The following LAS1L variants were observed in gnomAD, a reference collection of about 807,000 sequenced individuals.
LAS1L encodes the protein ribosomal biogenesis protein LAS1L.
A neutral mutation model predicts 57.3 loss-of-function variants in LAS1L; 5 were observed. The observed-to-expected ratio is 0.09, with a 90% CI of 0.05 to 0.18. LAS1L has a LOEUF of 0.18. Among genes scored for constraint, LAS1L ranks in the 10% least tolerant of loss-of-function variants. The probability of loss-of-function intolerance (pLI) is 1.00; values close to 1 mark genes in which losing one functional copy is unlikely to be tolerated. For missense variants in LAS1L, 360 were observed against 568.3 expected (o/e 0.63, Z 3.73); for synonymous variants, 245 against 231.7 (o/e 1.06, Z -0.52).
chrX:65,515,023 G>A (rs777318411), intron 12 of LAS1L, 50 bp from the exon 13 acceptor site: 7 of 1,158,071 alleles, frequency 6.0e-6, no homozygotes, highest in East Asian at 3.1e-5. Flanking sequence ...CTGGTTCTCC[G>A]ACTGGTGCAC....
At position 65,528,477 on chromosome X, in the gene LAS1L, C is replaced by T. The variant is rs565039544; in HGVS notation, c.847-108G>A. 5.2e-4 allele frequency: 238 copies of T among 454,333 alleles called. 3 individuals are homozygous for T. Among genetic ancestry groups the T allele is most frequent in the African/African-American group, 5.1e-3 (177 of 35,000 alleles). The allele number at this position is 454,333 out of a possible 1,213,427, so 37.4% of individuals were successfully genotyped here. A position where few individuals can be genotyped will look rare whatever the true frequency, so the allele number is the denominator to read the frequency against. ...CCTCTCAGCACTGCCCTGCAGGGGACAGGGCAGGGCATGCAGGGGGGGGCC... is the reference window on the plus strand; with the variant it reads ...CCTCTCAGCACTGCCCTGCAGGGGATAGGGCAGGGCATGCAGGGGGGGGCC... On this transcript the variant is annotated intron_variant, in intron 6 of 13. Coordinates refer to ENST00000374811, the MANE Select transcript of LAS1L (RefSeq NM_031206.7).
intron 11 of LAS1L, chrX:65,523,084 T>C (rs2068944964): frequency 8.8e-6 from 1 of 113,036 alleles, no homozygotes; most frequent in Non-Finnish European, 1.9e-5. Context: ...GCTACCATGG[T>C]AAGTTGGGCC....
intron 11 of LAS1L, chrX:65,522,550 GTCA>G (rs2068904610): frequency 1.8e-5 from 2 of 111,146 alleles, no homozygotes; most frequent in African/African-American, 6.6e-5. Context: ...GGGTTTGCAA[GTCA>G]GATATGGCCA....
chrX:65,521,314 G>C (rs1288384474), intron 11 of LAS1L: 1 of 748,559 alleles, frequency 1.3e-6, no homozygotes, highest in African/African-American at 2.3e-5. Flanking sequence ...AGCAGAGCAC[G>C]GTTCAATTCA....
intron 7 of LAS1L, among the ~76,000 whole-genome samples, chrX:65,527,235 A>AAG (rs2069203283): frequency 1.1e-5 from 1 of 93,057 alleles, no homozygotes; most frequent in African/African-American, 4.2e-5. Flanking sequence ...AAAAAAAAAA[A>AAG]AAAAAAAAAA....
intron 11 of LAS1L, chrX:65,518,973 T>TG: frequency 1.3e-6 from 1 of 752,100 alleles, no homozygotes; most frequent in Non-Finnish European, 1.6e-6. Context: ...GATCCCTTTA[T>TG]GGGAGCAGCT....
rs753261127 is a variant in LAS1L at position 65,524,120 on chromosome X, G to A, written c.1236C>T (p.Ser412=). The change falls in exon 10 of 14, where the codon AGC becomes AGT. Residue 412 remains serine (S), a synonymous_variant. Transcript: ENST00000374811. ...TGAGGATGTAGGTAGGCCGGATCCC[G>A]CTGATCCCCAAGGCTGGCAGTTCAG... ...MLSELPALGI[S]GIRPTYILRW... is the part of the protein sequence containing the mutation. 10 of 1,209,099 alleles carry A rather than the reference G, an allele frequency of 8.3e-6. No homozygotes were observed. The highest frequency in any genetic ancestry group is 2.3e-4 in the Middle Eastern group (1 of 4,373).
chrX:65,524,858 G>T, intron 8 of LAS1L, 107 bp downstream of exon 8: 1 of 562,959 alleles, frequency 1.8e-6, no homozygotes, highest in South Asian at 2.8e-5. Context: ...GCCATGGAAT[G>T]GCAGGAAACA....
chrX:65,528,213 C>G (rs1569441348), intron 7 of LAS1L, 47 bp downstream of exon 7: 3 of 818,673 alleles, frequency 3.7e-6, no homozygotes, highest in Non-Finnish European at 5.4e-6. Context: ...GAGGCTGCTA[C>G]CCTCTATCCT....
chrX:65,513,452 C>T (rs1173231290), intron 13 of LAS1L, among the ~76,000 whole-genome samples: 1 of 112,440 alleles, frequency 8.9e-6, no homozygotes, highest in Non-Finnish European at 1.9e-5. Context: ...AAGGTCCTTC[C>T]AGCTGGGTGA....
chrX:65,524,729 G>C (rs986302448), intron 8 of LAS1L, 115 bp from the exon 9 acceptor site: 4 of 480,048 alleles, frequency 8.3e-6, no homozygotes, highest in Non-Finnish European at 1.5e-5. Context: ...ATGTCATTAA[G>C]ACTCCCCGAC....
intron 11 of LAS1L, chrX:65,518,769 T>G (rs185484120): frequency 1.4e-6 from 1 of 725,356 alleles, no homozygotes; most frequent in Non-Finnish European, 1.6e-6. Context: ...GCCTGGCACA[T>G]AGTGGGCATG....
At chrX:65,523,798 TC>T in intron 10 of LAS1L, 91 bp from the exon 11 acceptor site, 2 of 981,087 alleles carry the variant, frequency 2.0e-6, no homozygotes, top group South Asian at 2.5e-5. Flanking sequence ...TCCCTCCCCA[TC>T]CCCCCAGACT....
rs761740545 is a variant in LAS1L at position 65,532,166 on chromosome X, G to A, written c.432+395C>T. ...TCTACACAGTTCACATACTCCTCAG[G>A]GTAGGAATGTCTGAGTTACAGAAGT... On this transcript the variant is annotated intron_variant, in intron 3 of 13. Transcript: ENST00000374811. Among the ~76,000 whole-genome samples the A allele has an allele frequency of 6.3e-5, 7 of 111,990 alleles. No homozygotes were observed. In the South Asian group the frequency reaches 2.6e-3, roughly 42 times the overall value.
intron 11 of LAS1L, chrX:65,518,988 C>A: frequency 1.3e-6 from 1 of 750,602 alleles, no homozygotes. Flanking sequence ...GCAGCTACAG[C>A]CCAGCCTGGA....
intron 11 of LAS1L, among the ~76,000 whole-genome samples, chrX:65,520,121 G>A (rs1404980974): frequency 2.7e-5 from 3 of 111,452 alleles, no homozygotes; most frequent in African/African-American, 9.8e-5. Context: ...ACTAAGGTGC[G>A]GGGGTGATGC....
chrX:65,528,492 A>AGG, intron 6 of LAS1L, 123 bp from the exon 7 acceptor site: 1 of 436,804 alleles, frequency 2.3e-6, no homozygotes, highest in Non-Finnish European at 4.0e-6. Flanking sequence ...CAGGGCATGC[A>AGG]GGGGGGGGCC....
Position 65,534,511 on chromosome X carries a change from C to A in LAS1L, c.205G>T (p.Ala69Ser). 1 of 1,207,710 alleles carries A rather than the reference C, an allele frequency of 8.3e-7. No homozygotes were observed. The highest frequency in any genetic ancestry group is 1.1e-6 in the Non-Finnish European group (1 of 893,383). ...CTCCACACCGTGATGCGGTTAAGCG[C>A]GTACCGCTGCAACTTATGGTCGTCA... The part of the protein sequence containing the change: ...FCDDHKLQRY[A>S]LNRITVWRSR... Residue 69 changes from alanine to serine, a missense_variant, in exon 1 of 14, where the codon GCG becomes TCG. By Grantham distance (99) the Ala-to-Ser change is moderately conservative. Transcript: ENST00000374811.
At chrX:65,525,970 C>T (rs2069122897) in intron 7 of LAS1L, among the ~76,000 whole-genome samples, 1 of 110,622 alleles carries the variant, frequency 9.0e-6, no homozygotes, top group African/African-American at 3.3e-5. Context: ...GTCATTGGGT[C>T]GGATCCCTCA....
Sources: gnomAD v4.1 joint callset for allele counts (sites outside exome capture counted in the v4.1 genomes callset) on GRCh38, gnomAD v4.1.1 for gene constraint, MANE v1.5 for transcripts, NCBI Gene and HGNC (gene_info 2026-07-23, HGNC 2026-07-21) for gene names.